Variants in ZDHHC3 observed in about 807,000 individuals in gnomAD.
ZDHHC3 encodes zDHHC palmitoyltransferase 3.
In ZDHHC3, 9 loss-of-function variants were observed where a neutral mutation model predicts 30.6. That is an observed-to-expected ratio of 0.29 (90% CI 0.18 to 0.51). ZDHHC3 has a LOEUF of 0.51. Among genes scored for constraint, ZDHHC3 ranks in the 20% least tolerant of loss-of-function variants. ZDHHC3 has a pLI of 0.97. For synonymous variants in ZDHHC3, 136 were observed against 140.2 expected, an observed-to-expected ratio of 0.97 and a Z score of 0.21; for missense variants, 246 against 384.2, an observed-to-expected ratio of 0.64 and a Z score of 3.01.
At chr3:44,947,403 C>T (rs1372322980) in intron 2 of ZDHHC3, among the ~76,000 whole-genome samples, 1 of 152,156 alleles carries the variant, frequency 6.6e-6, no homozygotes, top group Non-Finnish European at 1.5e-5. Flanking sequence ...TAAATCTGAG[C>T]TCTACATTTG....
Position 44,918,969 on chromosome 3 carries a change from C to A in ZDHHC3, c.*7720G>T. 1.0e-6 allele frequency: 1 copy of A among 985,578 alleles called. No homozygotes were observed. The highest frequency in any genetic ancestry group is 1.2e-6 in the Non-Finnish European group (1 of 830,046). 61.1% of individuals were successfully genotyped at this position (985,578 alleles called of 1,614,324 possible). A position where few individuals can be genotyped will look rare whatever the true frequency, so the allele number is the denominator to read the frequency against. ...CTGCTTTCTCCATCTCTTCTGGAAG[C>A]CAAGGGAATTTGCTGTGGGTTTGCT... On this transcript the variant is annotated 3_prime_UTR_variant, in exon 7 of 7. Transcript: ENST00000424952.
chr3:44,963,636 A>G (rs73085655), intron 1 of ZDHHC3, among the ~76,000 whole-genome samples: 1,561 of 152,234 alleles, frequency 0.01, 21 homozygotes, highest in Non-Finnish European at 0.016. Flanking sequence ...CTTAGGGTTG[A>G]GCAGTAGACC....
In ZDHHC3 at chr3:44,963,734, G is replaced by A. The variant is rs147861896; in HGVS notation, c.-24-4274C>T. 7.9e-3 allele frequency among the ~76,000 whole-genome samples: 1,200 copies of A among 152,264 alleles called. 13 individuals are homozygous for A. Among genetic ancestry groups the A allele is most frequent in the Middle Eastern group, 0.024 (7 of 294 alleles). On this transcript the variant is annotated intron_variant, in intron 1 of 6. Transcript: ENST00000424952. ...ACTCAGGCTTCTGGGACAGGGCCCC[G>A]AAGATGGGCCCTAAGCCCCAAACCA... is the stretch of plus-strand genomic sequence containing the variant.
intron 3 of ZDHHC3, among the ~76,000 whole-genome samples, chr3:44,934,870 C>A (rs989486029): frequency 2.2e-4 from 20 of 91,772 alleles, no homozygotes; most frequent in African/African-American, 6.6e-4. Flanking sequence ...CTAGCCTGGA[C>A]AACAAGAGCA....
Position 44,918,878 on chromosome 3 carries a change from T to C in ZDHHC3, c.*7811A>G, listed in dbSNP as rs1354874134. On this transcript the variant is annotated 3_prime_UTR_variant, in exon 7 of 7. Coordinates refer to ENST00000424952, the MANE Select transcript of ZDHHC3 (RefSeq NM_001135179.2). ...GAGATGCCCAGAGGAGGTAAAGACA[T>C]GGCCAGGCCAGCTCTCCAGGCCCAC... 7.1e-6 allele frequency: 7 copies of C among 986,016 alleles called. No individual in the cohort carries two copies. The highest frequency in any genetic ancestry group is 8.4e-6 in the Non-Finnish European group (7 of 830,518). 61.1% of individuals were successfully genotyped at this position (986,016 alleles called of 1,614,324 possible).
intron 2 of ZDHHC3, among the ~76,000 whole-genome samples, chr3:44,951,672 C>A (rs1263591849): frequency 1.3e-5 from 2 of 152,150 alleles, no homozygotes; most frequent in African/African-American, 4.8e-5. Context: ...GCTCTCCCTG[C>A]CCTTTCATAG....
chr3:44,962,157 T>C (rs1704534456), intron 1 of ZDHHC3, among the ~76,000 whole-genome samples: 1 of 145,192 alleles, frequency 6.9e-6, no homozygotes, highest in African/African-American at 2.6e-5. Flanking sequence ...ATCAAACTGT[T>C]TTTTTTATCA....
chr3:44,947,197 C>T (rs141242058), intron 2 of ZDHHC3, among the ~76,000 whole-genome samples: 2 of 152,042 alleles, frequency 1.3e-5, no homozygotes, highest in Non-Finnish European at 2.9e-5. Flanking sequence ...AGTGGTGGCA[C>T]GTCAAAACCA....
intron 1 of ZDHHC3, among the ~76,000 whole-genome samples, chr3:44,965,883 A>G (rs980136926): frequency 6.6e-6 from 1 of 152,234 alleles, no homozygotes; most frequent in Non-Finnish European, 1.5e-5. Flanking sequence ...AGCACCTCAA[A>G]GTACTTTGTG....
In ZDHHC3 at chr3:44,922,570, C is replaced by T. The variant is rs1324437200; in HGVS notation, c.*4119G>A. 4 of 985,312 alleles carry T rather than the reference C, an allele frequency of 4.1e-6. No homozygotes were observed. Among genetic ancestry groups the T allele is most frequent in the African/African-American group, 1.7e-5 (1 of 57,242 alleles). The allele number at this position is 985,312 out of a possible 1,614,324, so 61.0% of individuals were successfully genotyped here. On this transcript the variant is annotated 3_prime_UTR_variant, in exon 7 of 7. Coordinates refer to ENST00000424952, the MANE Select transcript of ZDHHC3 (RefSeq NM_001135179.2). ...ACACGTGCCTGTCTCACAATCAGCA[C>T]ACCCCAACTGCACTATGCTGAGCCC...
intron 2 of ZDHHC3, among the ~76,000 whole-genome samples, chr3:44,950,171 G>A (rs559995497): frequency 3.4e-4 from 51 of 152,232 alleles, no homozygotes; most frequent in Middle Eastern, 3.4e-3. Flanking sequence ...ATTGAGTTTG[G>A]GCAACTGTGT....
chr3:44,932,885 T>C (rs1451999073), intron 5 of ZDHHC3: 1 of 1,613,374 alleles, frequency 6.2e-7, no homozygotes, highest in East Asian at 2.2e-5. Context: ...AGAGGGTCTG[T>C]CTGTCCAACT....
At chr3:44,943,078 G>A (rs899592821) in intron 3 of ZDHHC3, among the ~76,000 whole-genome samples, 3 of 152,198 alleles carry the variant, frequency 2.0e-5, no homozygotes, top group African/African-American at 7.2e-5. Flanking sequence ...AAACCCCGGA[G>A]GAGCTAGCAA....
intron 2 of ZDHHC3, among the ~76,000 whole-genome samples, chr3:44,957,504 T>TCA (rs1487550569): frequency 6.6e-6 from 1 of 152,204 alleles, no homozygotes; most frequent in Non-Finnish European, 1.5e-5. Flanking sequence ...CTGCCCCTCA[T>TCA]CATCAAACTC....
At chr3:44,975,803 C>T (rs1301225559) in intron 1 of ZDHHC3, 130 bp downstream of exon 1, 2 of 162,774 alleles carry the variant, frequency 1.2e-5, no homozygotes, top group South Asian at 1.7e-4. Flanking sequence ...CACACACACA[C>T]ACGCTCCTAA....
In ZDHHC3 at chr3:44,923,940, T is replaced by A. The variant is rs145293951; in HGVS notation, c.*2749A>T. The A allele has an allele frequency of 3.0e-6, 3 of 985,474 alleles. No individual in the cohort carries two copies. The highest frequency in any genetic ancestry group is 2.3e-4 in the East Asian group (2 of 8,822). 61.0% of individuals were successfully genotyped at this position (985,474 alleles called of 1,614,324 possible). On this transcript the variant is annotated 3_prime_UTR_variant, in exon 7 of 7. Coordinates refer to ENST00000424952, the MANE Select transcript of ZDHHC3 (RefSeq NM_001135179.2). The stretch of plus-strand genomic sequence containing the variant: ...CATGCAAATATGCATAGATTATAGA[T>A]TTGCTTGGATCTAAGCCTTTTGCAT...
Position 44,976,145 on chromosome 3 carries a change from G to C in ZDHHC3, c.-237C>G. The C allele has an allele frequency of 1.4e-6, 1 of 694,828 alleles. No individual in the cohort carries two copies. Among genetic ancestry groups the C allele is most frequent in the Non-Finnish European group, 2.1e-6 (1 of 477,870 alleles). 43.0% of individuals were successfully genotyped at this position (694,828 alleles called of 1,614,324 possible). ...AGCTCTCCCGGCAGTGGCGGCGGCC[G>C]CGGCTGCAGGAGCGGCCGCCGCGCA... On this transcript the variant is annotated 5_prime_UTR_variant, in exon 1 of 7. Transcript: ENST00000424952.
Position 44,924,926 on chromosome 3 carries a change from C to A in ZDHHC3, c.*1763G>T. The A allele has an allele frequency of 3.0e-6, 3 of 985,540 alleles. No individual in the cohort carries two copies. In the Admixed American group the frequency reaches 1.8e-4, roughly 60 times the overall value. The allele number at this position is 985,540 out of a possible 1,614,324, so 61.0% of individuals were successfully genotyped here. A position where few individuals can be genotyped will look rare whatever the true frequency, so the allele number is the denominator to read the frequency against. On this transcript the variant is annotated 3_prime_UTR_variant, in exon 7 of 7. Coordinates refer to ENST00000424952, the MANE Select transcript of ZDHHC3 (RefSeq NM_001135179.2). ...TAAAGTTAACTGACTCAGGAAAGCTCTTAGGAGAGCCCATCAGCACAAAGG... is the reference window on the plus strand; with the variant it reads ...TAAAGTTAACTGACTCAGGAAAGCTATTAGGAGAGCCCATCAGCACAAAGG...
rs1424981926 is a variant in ZDHHC3 at position 44,958,766 on chromosome 3, C to T, written c.306+365G>A. On this transcript the variant is annotated intron_variant, in intron 2 of 6. Coordinates refer to ENST00000424952, the MANE Select transcript of ZDHHC3 (RefSeq NM_001135179.2). Reference sequence around the variant, plus strand: ...CTGGGAAGCCCAATCCTGACCCAACCCTCCAGCATGCTTTCTGCTCTGATC... The same window carrying T: ...CTGGGAAGCCCAATCCTGACCCAACTCTCCAGCATGCTTTCTGCTCTGATC... 12 of 1,186,420 alleles carry T rather than the reference C, an allele frequency of 1.0e-5. No homozygotes were observed. The East Asian group carries it at 2.3e-4, about 23-fold the overall frequency. 73.5% of individuals were successfully genotyped at this position (1,186,420 alleles called of 1,614,324 possible).
Sources: gnomAD v4.1 joint callset for allele counts (sites outside exome capture counted in the v4.1 genomes callset) on GRCh38, gnomAD v4.1.1 for gene constraint, MANE v1.5 for transcripts, NCBI Gene and HGNC (gene_info 2026-07-23, HGNC 2026-07-21) for gene names.